The following CLNS1A variants were observed in gnomAD, a reference collection of about 807,000 sequenced individuals.
The protein encoded by CLNS1A is methylosome subunit pICln.
Under a neutral mutation model 29.4 loss-of-function variants are expected in CLNS1A, and 16 were observed. The ratio of observed to expected loss-of-function variants is 0.54; its 90% CI spans 0.37 to 0.83. The LOEUF (loss-of-function observed/expected upper bound fraction) is 0.83. Among genes scored for constraint, CLNS1A ranks in the 40% least tolerant of loss-of-function variants. CLNS1A has a pLI of 0.00. For synonymous variants in CLNS1A, 96 were observed against 104.8 expected (o/e 0.92, Z 0.51); for missense variants, 235 against 287.4 (o/e 0.82, Z 1.32).
At position 77,631,717 on chromosome 11, in the gene CLNS1A, A is replaced by G. The variant is rs570228813; in HGVS notation, c.126-1818T>C. On this transcript the variant is annotated intron_variant, in intron 1 of 6. Coordinates refer to ENST00000525428, the MANE Select transcript of CLNS1A (RefSeq NM_001293.3). ...TTATTAAAAAAAAAAAAGTAAAGGA[A>G]AACTAGGAAGCTTATAAGTGATAAA... Among the ~76,000 whole-genome samples, 25 of 152,014 alleles carry G rather than the reference A, an allele frequency of 1.6e-4. No individual in the cohort carries two copies. In the South Asian group the frequency reaches 4.0e-3, roughly 24 times the overall value.
chr11:77,623,333 T>C (rs1421930651), intron 4 of CLNS1A, among the ~76,000 whole-genome samples: 1 of 152,182 alleles, frequency 6.6e-6, no homozygotes, highest in East Asian at 1.9e-4. Flanking sequence ...CTGACGTTTG[T>C]AATCCCAGCA....
At chr11:77,633,994 G>C (rs11237252) in intron 1 of CLNS1A, among the ~76,000 whole-genome samples, 4 of 152,008 alleles carry the variant, frequency 2.6e-5, no homozygotes, top group Non-Finnish European at 5.9e-5. Flanking sequence ...CCAGCTACTC[G>C]GGAGGGTGAG....
intron 6 of CLNS1A, among the ~76,000 whole-genome samples, chr11:77,619,164 C>T (rs1408618978): frequency 1.3e-5 from 2 of 152,020 alleles, no homozygotes; most frequent in East Asian, 3.8e-4. Context: ...ATATATTTCT[C>T]AGAATAATGG....
intron 5 of CLNS1A, among the ~76,000 whole-genome samples, chr11:77,620,763 C>T (rs191236714): frequency 4.6e-5 from 7 of 152,268 alleles, no homozygotes; most frequent in Non-Finnish European, 1.0e-4. Context: ...AGGCAGATCA[C>T]CTGAGGTCAG....
Sources: gnomAD v4.1 joint callset for allele counts (sites outside exome capture counted in the v4.1 genomes callset) on GRCh38, gnomAD v4.1.1 for gene constraint, MANE v1.5 for transcripts, NCBI Gene and HGNC (gene_info 2026-07-23, HGNC 2026-07-21) for gene names.